Variants in HEXB observed in about 807,000 individuals in gnomAD.
The protein encoded by HEXB is beta-hexosaminidase subunit beta.
In HEXB, 51 loss-of-function variants were observed where a neutral mutation model predicts 71.2. The ratio of observed to expected loss-of-function variants is 0.72; its 90% confidence interval spans 0.57 to 0.90. HEXB has a LOEUF of 0.90. HEXB is among the 40% of genes least tolerant of loss of function. The pLI is 0.00. For synonymous variants in HEXB, 266 were observed against 249.3 expected, an observed-to-expected ratio of 1.07 and a Z score of -0.63; for missense variants, 617 against 677.0, an observed-to-expected ratio of 0.91 and a Z score of 0.98.
chr5:74,677,828 A>G (rs1184963065), intron 1 of HEXB, among the ~76,000 whole-genome samples: 1 of 151,966 alleles, frequency 6.6e-6, no homozygotes, highest in Non-Finnish European at 1.5e-5. Flanking sequence ...CAATGTACCT[A>G]ATGTGTAGTT....
At position 74,720,709 on chromosome 5, in the gene HEXB, C is replaced by T. The variant is rs1749813650; in HGVS notation, c.1575C>T (p.Ala525=). The T allele has an allele frequency of 1.2e-6, 2 of 1,614,102 alleles. No homozygotes were observed. Among genetic ancestry groups the T allele is most frequent in the South Asian group, 1.1e-5 (1 of 91,088 alleles). The change falls in exon 13 of 14, where the codon GCC becomes GCT. Residue 525 remains alanine, a synonymous_variant. Transcript: ENST00000261416. ...AAGATGTCAGAGATATGGATGACGC[C>T]TATGACAGACTGACAAGGCACCGCT... is the stretch of plus-strand genomic sequence containing the variant. ...SSKDVRDMDD[A]YDRLTRHRCR...
chr5:74,708,145 TAAAG>T (rs1205438056), intron 6 of HEXB, among the ~76,000 whole-genome samples: 1 of 151,868 alleles, frequency 6.6e-6, no homozygotes, highest in Non-Finnish European at 1.5e-5. Context: ...TCAACATTCT[TAAAG>T]AAAAGAATTT....
chr5:74,685,190 T>C (rs2112121971), upstream of HEXB: 1 of 1,422,114 alleles, frequency 7.0e-7, no homozygotes, highest in Non-Finnish European at 9.1e-7. Context: ...CTTCCTCTGA[T>C]CCGGGCCGGG....
intron 2 of HEXB, 197 bp downstream of exon 2, chr5:74,689,670 G>A: frequency 3.3e-6 from 2 of 602,362 alleles, no homozygotes; most frequent in South Asian, 2.0e-5. Flanking sequence ...AGTACAGTAA[G>A]TGCAGAAGAA....
chr5:74,715,170 G>C (rs1749640772), intron 7 of HEXB, among the ~76,000 whole-genome samples: 1 of 152,182 alleles, frequency 6.6e-6, no homozygotes, highest in Non-Finnish European at 1.5e-5. Flanking sequence ...TTGTTAGCTT[G>C]TATTTGAAGT....
chr5:74,688,785 C>T (rs7710892), intron 1 of HEXB, among the ~76,000 whole-genome samples: 34,972 of 152,078 alleles, frequency 0.23, 4,564 homozygotes, highest in African/African-American at 0.34. Context: ...TTATTTCACA[C>T]ATTAGGATGT....
At chr5:74,720,355 C>G in intron 11 of HEXB, 73 bp from the exon 12 acceptor site, 1 of 1,144,052 alleles carries the variant, frequency 8.7e-7, no homozygotes. Context: ...ATGGAGGAAA[C>G]AAATCTTGAT....
At chr5:74,721,069 G>GATATCAATCTAAATCAATCTAAA in intron 13 of HEXB, 49 bp from the exon 14 acceptor site, 1 of 1,349,776 alleles carries the variant, frequency 7.4e-7, no homozygotes, top group Non-Finnish European at 1.1e-6. Context: ...CTTTATGAAT[G>GATATCAATCTAAATCAATCTAAA]ATATCAATCT....
At chr5:74,686,916 C>T (rs1330061037) in intron 1 of HEXB, among the ~76,000 whole-genome samples, 1 of 152,204 alleles carries the variant, frequency 6.6e-6, no homozygotes, top group East Asian at 1.9e-4. Context: ...GATTTTCCTT[C>T]TGTGTCATAC....
At chr5:74,717,351 G>C (rs985261580) in intron 9 of HEXB, among the ~76,000 whole-genome samples, 5 of 152,024 alleles carry the variant, frequency 3.3e-5, no homozygotes, top group African/African-American at 1.2e-4. Context: ...CATAGCCACA[G>C]GTGTCTGTCC....
intron 5 of HEXB, among the ~76,000 whole-genome samples, chr5:74,700,277 G>A (rs2112147950): frequency 6.6e-6 from 1 of 151,796 alleles, no homozygotes; most frequent in Non-Finnish European, 1.5e-5. Flanking sequence ...CAGAGTGCTA[G>A]GATTACAGGC....
chr5:74,677,624 C>T (rs765958498), intron 1 of HEXB, among the ~76,000 whole-genome samples: 4 of 151,588 alleles, frequency 2.6e-5, no homozygotes, highest in East Asian at 2.0e-4. Context: ...TTTCCTGTCT[C>T]GCTCTCCCCA....
At chr5:74,710,543 T>C (rs1336091340) in intron 6 of HEXB, among the ~76,000 whole-genome samples, 9 of 152,190 alleles carry the variant, frequency 5.9e-5, no homozygotes, top group East Asian at 1.9e-4. Flanking sequence ...AAAACCCCAT[T>C]GTCTCAGCCC....
chr5:74,720,467 C>A lies in HEXB; in HGVS notation c.1457C>A (p.Ala486Asp), dbSNP rs984580977. The A allele has an allele frequency of 6.2e-7, 1 of 1,613,408 alleles. No homozygotes were observed. The highest frequency in any genetic ancestry group is 1.3e-5 in the African/African-American group (1 of 74,920). The part of the protein sequence containing the change: ...KQKQLFIGGE[A>D]CLWGEYVDAT... ...AAACAACTTTTCATTGGTGGAGAAG[C>A]TTGTCTATGGGGAGAATATGTGGAT... Residue 486 changes from alanine to aspartate, a missense_variant, in exon 12 of 14, where the codon GCT becomes GAT. By Grantham distance (126) the Ala-to-Asp change is moderately radical (BLOSUM62 -2). Coordinates refer to ENST00000261416, the MANE Select transcript of HEXB (RefSeq NM_000521.4).
chr5:74,711,423 A>C (rs1211730993), intron 6 of HEXB, among the ~76,000 whole-genome samples: 18 of 146,228 alleles, frequency 1.2e-4, no homozygotes, highest in South Asian at 4.5e-4. Flanking sequence ...ACAAAAGCCA[A>C]AATTGACAAA....
intron 1 of HEXB, among the ~76,000 whole-genome samples, chr5:74,646,569 CT>C (rs1356916050): frequency 4.9e-3 from 685 of 139,650 alleles, no homozygotes; most frequent in African/African-American, 9.0e-3. Flanking sequence ...ACAATTCATT[CT>C]TTTTTTTTTT....
chr5:74,670,859 C>A (rs1197892133), intron 1 of HEXB, among the ~76,000 whole-genome samples: 1 of 152,028 alleles, frequency 6.6e-6, no homozygotes, highest in East Asian at 1.9e-4. Flanking sequence ...ATTGGCTGGA[C>A]CCCGCACTTG....
At chr5:74,663,662 C>G (rs1276187399) in intron 1 of HEXB, among the ~76,000 whole-genome samples, 1 of 152,158 alleles carries the variant, frequency 6.6e-6, no homozygotes, top group Non-Finnish European at 1.5e-5. Flanking sequence ...GTTTCAAAGT[C>G]AGGCAGAATT....
intron 1 of HEXB, among the ~76,000 whole-genome samples, chr5:74,677,487 C>CTTTTTTTT (rs1561210601): frequency 7.7e-6 from 1 of 129,972 alleles, no homozygotes; most frequent in African/African-American, 2.9e-5. Context: ...TTTTCTTCTT[C>CTTTTTTTT]TTCTTTTTTT....
Sources: allele counts gnomAD v4.1 joint callset (sites outside exome capture counted in the v4.1 genomes callset), GRCh38; gene constraint gnomAD v4.1.1; transcripts MANE v1.5; gene names NCBI Gene and HGNC (gene_info 2026-07-23, HGNC 2026-07-21).